Variants in KIAA0319 observed in about 807,000 individuals in gnomAD.
The protein encoded by KIAA0319 is KIAA0319.
A neutral mutation model predicts 108.4 loss-of-function variants in KIAA0319; 83 were observed. The ratio of observed to expected loss-of-function variants is 0.77; its 90% CI spans 0.64 to 0.92. The LOEUF (loss-of-function observed/expected upper bound fraction) is 0.92, where lower values mean the gene tolerates loss of function less well. Ranked by LOEUF, KIAA0319 falls within the 40% of genes least tolerant of loss-of-function variation. The probability of loss-of-function intolerance (pLI) is 0.00; values close to 1 mark genes in which losing one functional copy is unlikely to be tolerated. For synonymous variants in KIAA0319, 484 were observed against 510.4 expected, an observed-to-expected ratio of 0.95 and a Z score of 0.70; for missense variants, 1,195 against 1,322.4, an observed-to-expected ratio of 0.90 and a Z score of 1.49.
At position 24,572,715 on chromosome 6, in the gene KIAA0319, A is replaced by G; in HGVS notation, c.1735-17T>C. 1 of 1,585,458 alleles carries G rather than the reference A, an allele frequency of 6.3e-7. No individual in the cohort carries two copies. Among genetic ancestry groups the G allele is most frequent in the African/African-American group, 1.4e-5 (1 of 73,136 alleles). Reference sequence around the variant, plus strand: ...CTGTACTCCCTAAGTAATAGCAAATACAAAAATAAAAACAAAACAAAACAA... The same window carrying G: ...CTGTACTCCCTAAGTAATAGCAAATGCAAAAATAAAAACAAAACAAAACAA... On this transcript the variant is annotated splice_polypyrimidine_tract_variant and intron_variant, in intron 10 of 20. Coordinates refer to ENST00000378214, the MANE Select transcript of KIAA0319 (RefSeq NM_014809.4).
intron 11 of KIAA0319, among the ~76,000 whole-genome samples, chr6:24,571,861 T>G: frequency 6.6e-6 from 1 of 152,236 alleles, no homozygotes; most frequent in East Asian, 1.9e-4. Context: ...TGCTCTTTCT[T>G]TGGGGTCCTG....
At position 24,545,214 on chromosome 6, in the gene KIAA0319, C is replaced by T. The variant is rs1176967579; in HGVS notation, c.*1951G>A. On this transcript the variant is annotated 3_prime_UTR_variant, in exon 21 of 21. Transcript: ENST00000378214. ...CAGTTTAAAAAATTTGCATTCAGTT[C>T]TTGGAGCCACTACTTCTTGGCCATG... The T allele has an allele frequency of 2.6e-5, 4 of 152,324 alleles. No individual in the cohort carries two copies. In the East Asian group the frequency reaches 7.7e-4, roughly 29 times the overall value. The allele number at this position is 152,324 out of a possible 1,614,324, so 9.4% of individuals were successfully genotyped here. A position where few individuals can be genotyped will look rare whatever the true frequency, so the allele number is the denominator to read the frequency against.
intron 19 of KIAA0319, among the ~76,000 whole-genome samples, chr6:24,552,736 G>C (rs1429742466): frequency 6.6e-6 from 1 of 152,102 alleles, no homozygotes; most frequent in African/African-American, 2.4e-5. Context: ...CTCCCAAGTA[G>C]CTGGGATTAC....
intron 1 of KIAA0319, among the ~76,000 whole-genome samples, chr6:24,633,214 T>C (rs1453508467): frequency 6.6e-6 from 1 of 152,194 alleles, no homozygotes; most frequent in Non-Finnish European, 1.5e-5. Context: ...ACAGTATCTC[T>C]GCATATGCAG....
chr6:24,576,539 C>T lies in KIAA0319; in HGVS notation c.1563G>A (p.Val521=). 6.2e-7 allele frequency: 1 copy of T among 1,614,092 alleles called. No individual in the cohort carries two copies. The highest frequency in any genetic ancestry group is 8.5e-7 in the Non-Finnish European group (1 of 1,180,016). The change falls in exon 10 of 21, where the codon GTG becomes GTA. Residue 521 remains valine, a synonymous_variant. Transcript: ENST00000378214. ...CTGGTGGGTAGTCCACAGCATTGTT[C>T]ACTATTAGGGCTGCAGTTGTAGAGT... ...ATNSTTAALI[V]NNAVDYPPVA... is the part of the protein sequence containing the mutation.
intron 1 of KIAA0319, among the ~76,000 whole-genome samples, chr6:24,643,226 T>C (rs1270884984): frequency 6.6e-6 from 1 of 152,238 alleles, no homozygotes; most frequent in Non-Finnish European, 1.5e-5. Flanking sequence ...CTCAACCATT[T>C]TTATTGTTTA....
chr6:24,564,461 G>A, intron 14 of KIAA0319, 121 bp from the exon 15 acceptor site: 2 of 1,274,514 alleles, frequency 1.6e-6, no homozygotes, highest in South Asian at 2.8e-5. Context: ...TAAGAGGGAG[G>A]CTGCAGGGAA....
At chr6:24,583,099 T>C (rs181470832) in intron 5 of KIAA0319, 36 of 985,586 alleles carry the variant, frequency 3.7e-5, no homozygotes, top group Admixed American at 6.1e-5. Flanking sequence ...AGGTCCCAGG[T>C]CAAATGCTTA....
At chr6:24,643,193 G>C (rs912247130) in intron 1 of KIAA0319, among the ~76,000 whole-genome samples, 12 of 152,168 alleles carry the variant, frequency 7.9e-5, no homozygotes, top group African/African-American at 2.9e-4. Flanking sequence ...CCTGCAAAAT[G>C]ATGATGCCAG....
chr6:24,595,987 G>A lies in KIAA0319; in HGVS notation c.687C>T (p.Leu229=), dbSNP rs776084304. The change falls in exon 3 of 21, where the codon CTC becomes CTT. Residue 229 remains leucine, a synonymous_variant. Coordinates refer to ENST00000378214, the MANE Select transcript of KIAA0319 (RefSeq NM_014809.4). ...NESASTPAPK[L]PERSVLLPLP... is the part of the protein sequence containing the mutation. The stretch of plus-strand genomic sequence containing the variant: ...AGGGAAGCAACACACTTCTCTCAGG[G>A]AGTTTTGGGGCAGGGGTTGAAGCCG... 9.3e-6 allele frequency: 15 copies of A among 1,614,062 alleles called. No individual in the cohort carries two copies. In the African/African-American group the frequency reaches 2.0e-4, roughly 22 times the overall value.
chr6:24,575,973 G>A (rs1048153872), intron 10 of KIAA0319, among the ~76,000 whole-genome samples: 8 of 152,214 alleles, frequency 5.3e-5, no homozygotes, highest in African/African-American at 1.4e-4. Flanking sequence ...ACCAGTGGAT[G>A]TAGACAAGAT....
At chr6:24,644,196 G>T (rs1480503214) in intron 1 of KIAA0319, among the ~76,000 whole-genome samples, 1 of 152,188 alleles carries the variant, frequency 6.6e-6, no homozygotes, top group East Asian at 1.9e-4. Flanking sequence ...GTGAGTGGGT[G>T]TGTCTGTGAA....
At chr6:24,633,201 G>A (rs7766230) in intron 1 of KIAA0319, among the ~76,000 whole-genome samples, 34,200 of 152,124 alleles carry the variant, frequency 0.22, 4,890 homozygotes, top group East Asian at 0.66. Context: ...GTTCTCAGAA[G>A]CAACAGTATC....
chr6:24,598,176 G>T, intron 2 of KIAA0319: 1 of 455,762 alleles, frequency 2.2e-6, no homozygotes, highest in Non-Finnish European at 4.1e-6. Flanking sequence ...GCACCAGTAT[G>T]GGTCTGGGTG....
chr6:24,578,047 A>C lies in KIAA0319; in HGVS notation c.1505+63T>G, dbSNP rs1005333162. 4 of 1,509,322 alleles carry C rather than the reference A, an allele frequency of 2.7e-6. No individual in the cohort carries two copies. The Admixed American group carries it at 6.5e-5, about 25-fold the overall frequency. 93.5% of individuals were successfully genotyped at this position (1,509,322 alleles called of 1,614,324 possible). On this transcript the variant is annotated intron_variant, in intron 9 of 20. Coordinates refer to ENST00000378214, the MANE Select transcript of KIAA0319 (RefSeq NM_014809.4). The stretch of plus-strand genomic sequence containing the variant: ...AGAAGTGCAGTGTTTTATGTGCGTT[A>C]ATTTAAAGAAACAGTCAAAATGTAA...
intron 1 of KIAA0319, among the ~76,000 whole-genome samples, chr6:24,610,044 T>C (rs1772065400): frequency 6.6e-6 from 1 of 152,032 alleles, no homozygotes; most frequent in South Asian, 2.1e-4. Flanking sequence ...TTCTTAAATA[T>C]GACACCAAAA....
chr6:24,619,386 T>C (rs1255971809), intron 1 of KIAA0319, among the ~76,000 whole-genome samples: 4 of 152,060 alleles, frequency 2.6e-5, no homozygotes, highest in African/African-American at 4.8e-5. Flanking sequence ...AGGTAGAGCA[T>C]ATAGGATTTG....
chr6:24,547,423 G>A (rs577878212), intron 20 of KIAA0319, 80 bp from the exon 21 acceptor site: 40 of 1,220,902 alleles, frequency 3.3e-5, no homozygotes, highest in Non-Finnish European at 4.5e-5. Context: ...TGCAGGTCCT[G>A]TGATGGGCAC....
intron 1 of KIAA0319, among the ~76,000 whole-genome samples, chr6:24,612,211 A>G (rs959615166): frequency 6.6e-6 from 1 of 152,158 alleles, no homozygotes; most frequent in Admixed American, 6.5e-5. Flanking sequence ...CAATACTCTC[A>G]GAGGCCCAGG....
Sources: allele counts gnomAD v4.1 joint callset (sites outside exome capture counted in the v4.1 genomes callset), GRCh38; gene constraint gnomAD v4.1.1; transcripts MANE v1.5; gene names NCBI Gene and HGNC (gene_info 2026-07-23, HGNC 2026-07-21).